The following EBF2 variants were observed in gnomAD, a reference collection of about 807,000 sequenced individuals.
EBF2 encodes the protein EBF transcription factor 2, also known as transcription factor COE2.
EBF2 carries 21 observed loss-of-function variants against 72.8 expected under a neutral mutation model. The observed-to-expected ratio is 0.29, with a 90% CI of 0.20 to 0.42. EBF2 has a LOEUF of 0.42. Ranked by LOEUF, EBF2 falls within the 10% of genes least tolerant of loss-of-function variation. The pLI, the probability that EBF2 is intolerant of heterozygous loss-of-function variation, is 1.00. For synonymous variants in EBF2, 299 were observed against 274.2 expected (o/e 1.09, Z -0.89); for missense variants, 637 against 731.2 (o/e 0.87, Z 1.49).
chr8:26,010,988 TACACACACAC>T (rs36211488), intron 6 of EBF2, among the ~76,000 whole-genome samples: 1 of 150,760 alleles, frequency 6.6e-6, no homozygotes, highest in Non-Finnish European at 1.5e-5. Flanking sequence ...TATGTGTGCA[TACACACACAC>T]ACACACACAC....
chr8:25,911,032 T>C (rs1458979823), intron 6 of EBF2, among the ~76,000 whole-genome samples: 1 of 152,120 alleles, frequency 6.6e-6, no homozygotes, highest in Non-Finnish European at 1.5e-5. Context: ...TGGTGTCTTC[T>C]GGTTCTCCGC....
At chr8:26,012,545 C>G (rs1364839051) in intron 6 of EBF2, among the ~76,000 whole-genome samples, 2 of 152,060 alleles carry the variant, frequency 1.3e-5, no homozygotes, top group African/African-American at 2.4e-5. Flanking sequence ...TTCATTTATA[C>G]CAAGAGCATT....
chr8:25,999,967 C>T (rs1804697217), intron 6 of EBF2, among the ~76,000 whole-genome samples: 1 of 152,130 alleles, frequency 6.6e-6, no homozygotes, highest in Non-Finnish European at 1.5e-5. Flanking sequence ...AAGGCAGTAG[C>T]ACTAGCAACT....
At chr8:25,881,921 G>A (rs1802611631) in intron 10 of EBF2, among the ~76,000 whole-genome samples, 1 of 152,122 alleles carries the variant, frequency 6.6e-6, no homozygotes, top group Admixed American at 6.5e-5. Context: ...AGAGGCCCGG[G>A]GAAAACCATC....
intron 6 of EBF2, among the ~76,000 whole-genome samples, chr8:25,981,582 G>A (rs771577484): frequency 9.9e-5 from 15 of 152,098 alleles, no homozygotes; most frequent in Non-Finnish European, 1.9e-4. Context: ...GATCACCTGA[G>A]GTCAGGAGTT....
At chr8:25,867,187 C>A (rs1218999030) in intron 10 of EBF2, among the ~76,000 whole-genome samples, 1 of 152,150 alleles carries the variant, frequency 6.6e-6, no homozygotes, top group Non-Finnish European at 1.5e-5. Flanking sequence ...ATATTAATAA[C>A]TAGGATTGTG....
intron 6 of EBF2, among the ~76,000 whole-genome samples, chr8:25,990,222 T>C (rs1035952503): frequency 1.3e-4 from 19 of 142,384 alleles, no homozygotes; most frequent in African/African-American, 3.7e-4. Context: ...CACACACACA[T>C]AAAATCAATA....
chr8:25,959,350 G>T (rs766690519), intron 6 of EBF2, among the ~76,000 whole-genome samples: 87 of 151,808 alleles, frequency 5.7e-4, no homozygotes, highest in Non-Finnish European at 1.2e-3. Context: ...GATTACAGGC[G>T]CCCACCACCA....
intron 6 of EBF2, among the ~76,000 whole-genome samples, chr8:25,994,486 T>C (rs1377043081): frequency 2.0e-5 from 3 of 152,186 alleles, no homozygotes; most frequent in Non-Finnish European, 4.4e-5. Flanking sequence ...CACTTGGACA[T>C]GTATGTTCAC....
chr8:25,997,197 G>T (rs1324008342), intron 6 of EBF2, among the ~76,000 whole-genome samples: 2 of 152,124 alleles, frequency 1.3e-5, no homozygotes, highest in African/African-American at 4.8e-5. Context: ...TCATGCTATG[G>T]TTTCATTCCA....
chr8:25,874,614 C>T (rs1802490001), intron 10 of EBF2, among the ~76,000 whole-genome samples: 1 of 151,984 alleles, frequency 6.6e-6, no homozygotes, highest in Non-Finnish European at 1.5e-5. Flanking sequence ...TCTTCTGCTC[C>T]TTTGGTCCAC....
chr8:26,027,408 A>T (rs1158288542), intron 6 of EBF2, among the ~76,000 whole-genome samples: 1 of 152,066 alleles, frequency 6.6e-6, no homozygotes, highest in Non-Finnish European at 1.5e-5. Context: ...AGCAGATGAC[A>T]ATACCCACAC....
chr8:25,955,968 A>G (rs1803937195), intron 6 of EBF2, among the ~76,000 whole-genome samples: 1 of 152,146 alleles, frequency 6.6e-6, no homozygotes. Context: ...AGAGTTCAAA[A>G]CCAGCCTGGG....
chr8:26,013,843 G>T (rs1236846252), intron 6 of EBF2, among the ~76,000 whole-genome samples: 2 of 152,090 alleles, frequency 1.3e-5, no homozygotes. Context: ...ACCAATCATG[G>T]CATTGTTTCT....
At chr8:25,990,846 A>G (rs1325021428) in intron 6 of EBF2, among the ~76,000 whole-genome samples, 1 of 152,244 alleles carries the variant, frequency 6.6e-6, no homozygotes, top group African/African-American at 2.4e-5. Context: ...GCAGAACGGA[A>G]ATATGTCACT....
At chr8:26,031,082 A>AG (rs1173780962) in intron 6 of EBF2, among the ~76,000 whole-genome samples, 104 of 152,292 alleles carry the variant, frequency 6.8e-4, no homozygotes, top group African/African-American at 2.3e-3. Flanking sequence ...GCAGGTGAGT[A>AG]TTTACAGATT....
intron 7 of EBF2, among the ~76,000 whole-genome samples, chr8:25,907,419 C>CAAAAAAAAAAAA (rs55695734): frequency 3.5e-5 from 1 of 28,874 alleles, no homozygotes; most frequent in African/African-American, 1.1e-4. Context: ...GACCCTGCCT[C>CAAAAAAAAAAAA]AAAAAAAAAA....
At chr8:25,970,933 A>G (rs1362763219) in intron 6 of EBF2, among the ~76,000 whole-genome samples, 1 of 152,200 alleles carries the variant, frequency 6.6e-6, no homozygotes, top group Admixed American at 6.5e-5. Context: ...CCTGGGCTCA[A>G]GCAACCCTCC....
Position 25,868,477 on chromosome 8 carries a change from T to TTTG in EBF2, c.1010-5683_1010-5681dup, listed in dbSNP as rs574556310. ...AGTGATTTGAGAGATATACACACTT[T>TTTG]TTGTTGTTGTTGTTGAGACAGGGAC... On this transcript the variant is annotated intron_variant, in intron 10 of 15. Coordinates refer to ENST00000520164, the MANE Select transcript of EBF2 (RefSeq NM_022659.4). 1.3e-4 allele frequency among the ~76,000 whole-genome samples: 16 copies of TTTG among 119,368 alleles called. No homozygotes were observed. In the South Asian group the frequency reaches 3.1e-3, roughly 23 times the overall value. The allele number at this position is 119,368 out of a possible 152,430, so 78.3% of individuals were successfully genotyped here.
Sources: gnomAD v4.1 joint callset for allele counts (sites outside exome capture counted in the v4.1 genomes callset) on GRCh38, gnomAD v4.1.1 for gene constraint, MANE v1.5 for transcripts, NCBI Gene and HGNC (gene_info 2026-07-23, HGNC 2026-07-21) for gene names.